KAT2B: variants seen among roughly 807,000 people sequenced by gnomAD.
KAT2B encodes the protein lysine acetyltransferase 2B.
Under a neutral mutation model 105.9 loss-of-function variants are expected in KAT2B, and 36 were observed. That is an observed-to-expected ratio of 0.34 (90% CI 0.26 to 0.45). The LOEUF (loss-of-function observed/expected upper bound fraction) is 0.45. Ranked by LOEUF, KAT2B falls within the 20% of genes least tolerant of loss-of-function variation. The pLI, the probability that KAT2B is intolerant of heterozygous loss-of-function variation, is 1.00. For missense variants in KAT2B, 820 were observed against 1,021.6 expected (o/e 0.80, Z 2.69); for synonymous variants, 397 against 377.9 (o/e 1.05, Z -0.59).
chr3:20,063,705 G>C (rs908116401), intron 1 of KAT2B, among the ~76,000 whole-genome samples: 1 of 151,274 alleles, frequency 6.6e-6, no homozygotes, highest in African/African-American at 2.4e-5. Flanking sequence ...ACCATGCCCG[G>C]TTAATTTTTG....
rs1699901513 is a variant in KAT2B at position 20,153,447 on chromosome 3, C to A, written c.*922C>A. The A allele has an allele frequency of 6.6e-6, 1 of 152,600 alleles. No individual in the cohort carries two copies. Among genetic ancestry groups the A allele is most frequent in the Admixed American group, 6.5e-5 (1 of 15,286 alleles). 9.5% of individuals were successfully genotyped at this position (152,600 alleles called of 1,614,324 possible). A position where few individuals can be genotyped will look rare whatever the true frequency, so the allele number is the denominator to read the frequency against. Reference sequence around the variant, plus strand: ...TTCTTTTTCTTTTCTATGATACACACAGCCACGCTGATAATATGCAAATGA... The same window carrying A: ...TTCTTTTTCTTTTCTATGATACACAAAGCCACGCTGATAATATGCAAATGA... On this transcript the variant is annotated 3_prime_UTR_variant, in exon 18 of 18. Coordinates refer to ENST00000263754, the MANE Select transcript of KAT2B (RefSeq NM_003884.5).
At chr3:20,060,219 A>G (rs571624767) in intron 1 of KAT2B, among the ~76,000 whole-genome samples, 1 of 152,304 alleles carries the variant, frequency 6.6e-6, no homozygotes, top group South Asian at 2.1e-4. Flanking sequence ...GTATGGATAT[A>G]TTTCTGTTTC....
chr3:20,127,746 T>C (rs1699431034), intron 11 of KAT2B, among the ~76,000 whole-genome samples, 197 bp downstream of exon 11: 1 of 152,158 alleles, frequency 6.6e-6, no homozygotes, highest in Non-Finnish European at 1.5e-5. Flanking sequence ...CGGAAGACAA[T>C]TTTTCCACGG....
intron 11 of KAT2B, among the ~76,000 whole-genome samples, chr3:20,135,463 G>C (rs1699584603): frequency 6.6e-6 from 1 of 152,070 alleles, no homozygotes; most frequent in Non-Finnish European, 1.5e-5. Context: ...GACTATCCTG[G>C]CTAACACAGT....
rs574841435 is a variant in KAT2B at position 20,099,633 on chromosome 3, C to T, written c.577-229C>T. 4.6e-5 allele frequency among the ~76,000 whole-genome samples: 7 copies of T among 152,102 alleles called. No homozygotes were observed. In the South Asian group the frequency reaches 1.5e-3, roughly 32 times the overall value. Reference sequence around the variant, plus strand: ...GTGTCCATTTCTTCATAACTCTGGCCGTGGACATGAAGGCCAATTTGGGTT... The same window carrying T: ...GTGTCCATTTCTTCATAACTCTGGCTGTGGACATGAAGGCCAATTTGGGTT... On this transcript the variant is annotated intron_variant, in intron 3 of 17. Transcript: ENST00000263754.
At chr3:20,125,126 T>C (rs1205034326) in intron 9 of KAT2B, among the ~76,000 whole-genome samples, 12 of 151,814 alleles carry the variant, frequency 7.9e-5, no homozygotes, top group Admixed American at 6.6e-5. Flanking sequence ...ATCGAGACCA[T>C]CTTGGCTAAC....
intron 2 of KAT2B, among the ~76,000 whole-genome samples, chr3:20,078,350 A>G (rs76193978): frequency 0.11 from 16,897 of 152,052 alleles, 1,064 homozygotes; most frequent in East Asian, 0.24. Flanking sequence ...TCTAGTAATA[A>G]TATTTTAGTT....
At chr3:20,045,197 T>C (rs575394508) in intron 1 of KAT2B, among the ~76,000 whole-genome samples, 1 of 151,986 alleles carries the variant, frequency 6.6e-6, no homozygotes, top group South Asian at 2.1e-4. Context: ...GTATTTTTTT[T>C]GGTAGAGATG....
At chr3:20,134,494 C>T (rs1195041782) in intron 11 of KAT2B, among the ~76,000 whole-genome samples, 2 of 152,150 alleles carry the variant, frequency 1.3e-5, no homozygotes, top group African/African-American at 4.8e-5. Flanking sequence ...CAGCAACCTC[C>T]GACTCCCTGG....
At chr3:20,074,184 A>G (rs1288341438) in intron 2 of KAT2B, among the ~76,000 whole-genome samples, 1 of 152,256 alleles carries the variant, frequency 6.6e-6, no homozygotes, top group Non-Finnish European at 1.5e-5. Context: ...ATTAAACTAA[A>G]AGGACGGTGA....
intron 1 of KAT2B, among the ~76,000 whole-genome samples, chr3:20,063,429 C>T (rs1045001341): frequency 6.9e-6 from 1 of 144,836 alleles, no homozygotes; most frequent in African/African-American, 2.5e-5. Flanking sequence ...TTAAGAGATT[C>T]TTTCTTTCTT....
chr3:20,056,680 G>C (rs190968513), intron 1 of KAT2B, among the ~76,000 whole-genome samples: 1 of 152,308 alleles, frequency 6.6e-6, no homozygotes, highest in African/African-American at 2.4e-5. Flanking sequence ...GAAATGAGTT[G>C]ATAGAAGGTC....
At chr3:20,107,544 G>C (rs1270761753) in intron 5 of KAT2B, among the ~76,000 whole-genome samples, 1 of 150,138 alleles carries the variant, frequency 6.7e-6, no homozygotes, top group Non-Finnish European at 1.5e-5. Context: ...TGTAATCCCA[G>C]CTACTTGGGA....
chr3:20,128,657 G>T (rs1044865122), intron 11 of KAT2B, among the ~76,000 whole-genome samples: 3 of 152,058 alleles, frequency 2.0e-5, no homozygotes, highest in Non-Finnish European at 4.4e-5. Context: ...TCTATACCTT[G>T]TCCTGTTCTA....
chr3:20,091,610 T>G (rs1559309913), intron 2 of KAT2B, among the ~76,000 whole-genome samples: 1 of 152,168 alleles, frequency 6.6e-6, no homozygotes, highest in Non-Finnish European at 1.5e-5. Flanking sequence ...TTTTTTCTTT[T>G]TTAATATAGG....
intron 1 of KAT2B, among the ~76,000 whole-genome samples, chr3:20,045,521 T>C (rs1697794613): frequency 6.6e-6 from 1 of 152,002 alleles, no homozygotes; most frequent in Admixed American, 6.6e-5. Context: ...TGCTTGGGAT[T>C]GGGTTTTTAA....
chr3:20,100,822 A>G (rs1436170341), intron 4 of KAT2B, among the ~76,000 whole-genome samples: 1 of 152,224 alleles, frequency 6.6e-6, no homozygotes, highest in East Asian at 1.9e-4. Context: ...GATAGTAAAG[A>G]GTTTAAATTT....
intron 1 of KAT2B, among the ~76,000 whole-genome samples, chr3:20,068,058 G>T (rs530986543): frequency 6.6e-6 from 1 of 150,564 alleles, no homozygotes; most frequent in East Asian, 2.0e-4. Context: ...CTGCAGTGGC[G>T]CAATCTTGGC....
chr3:20,145,554 G>GTTTTTTTTTTT lies in KAT2B; in HGVS notation c.2005-747_2005-737dup, dbSNP rs550166293. 1.1e-3 allele frequency among the ~76,000 whole-genome samples: 101 copies of GTTTTTTTTTTT among 92,066 alleles called. 2 individuals carry two copies. The highest frequency in any genetic ancestry group is 1.5e-3 in the South Asian group (4 of 2,750). The allele number at this position is 92,066 out of a possible 152,430, so 60.4% of individuals were successfully genotyped here. A position where few individuals can be genotyped will look rare whatever the true frequency, so the allele number is the denominator to read the frequency against. ...TTAATTTCCGGATGGGATTTTTTTAGTTTTTTTTTTTTTTTTTTTTTTTTT... is the reference window on the plus strand; with the variant it reads ...TTAATTTCCGGATGGGATTTTTTTAGTTTTTTTTTTTTTTTTTTTTTTTTTTTTTTTTTTTT... On this transcript the variant is annotated intron_variant, in intron 13 of 17. Coordinates refer to ENST00000263754, the MANE Select transcript of KAT2B (RefSeq NM_003884.5).
Sources: allele counts gnomAD v4.1 joint callset (sites outside exome capture counted in the v4.1 genomes callset), GRCh38; gene constraint gnomAD v4.1.1; transcripts MANE v1.5; gene names NCBI Gene and HGNC (gene_info 2026-07-23, HGNC 2026-07-21).